The following WAC variants were observed in gnomAD, a reference collection of about 807,000 sequenced individuals.
WAC encodes WW domain-containing adapter protein with coiled-coil.
In WAC, 11 loss-of-function variants were observed where a neutral mutation model predicts 79.6. The ratio of observed to expected loss-of-function variants is 0.14; its 90% CI spans 0.09 to 0.23. WAC has a LOEUF of 0.23. WAC is among the 10% of genes least tolerant of loss of function. WAC has a pLI of 1.00. For synonymous variants in WAC, 304 were observed against 276.9 expected (o/e 1.10, Z -0.97); for missense variants, 728 against 773.5 (o/e 0.94, Z 0.70).
Position 28,535,731 on chromosome 10 carries a change from C to T in WAC, c.248C>T (p.Thr83Ile). The change falls in exon 3 of 14, where the codon ACT (threonine) becomes ATT (isoleucine). Residue 83 changes from threonine to isoleucine, a missense_variant. Coordinates refer to ENST00000354911, the MANE Select transcript of WAC (RefSeq NM_016628.5). The stretch of plus-strand genomic sequence containing the variant: ...CACAGTAAGGCCAAAAATGTGCATA[C>T]TCACAGAGTTAGAGAGAGGGATGGT... ...TGHSKAKNVH[T>I]HRVRERDGGT... 1 of 1,613,574 alleles carries T rather than the reference C, an allele frequency of 6.2e-7. No homozygotes were observed. Among genetic ancestry groups the T allele is most frequent in the Non-Finnish European group, 8.5e-7 (1 of 1,179,742 alleles).
intron 13 of WAC, 28 bp from the exon 14 acceptor site, chr10:28,619,509 G>C: frequency 6.5e-7 from 1 of 1,530,278 alleles, no homozygotes; most frequent in Non-Finnish European, 8.8e-7. Context: ...TATGTACACA[G>C]GTTCTAATGT....
At chr10:28,573,982 G>T (rs923196945) in intron 3 of WAC, among the ~76,000 whole-genome samples, 1 of 151,868 alleles carries the variant, frequency 6.6e-6, no homozygotes, top group African/African-American at 2.4e-5. Flanking sequence ...TGTGACTGGG[G>T]TATTTCACTT....
Position 28,614,773 on chromosome 10 carries a change from C to A in WAC, c.1556+88C>A. On this transcript the variant is annotated intron_variant, in intron 11 of 13. Coordinates refer to ENST00000354911, the MANE Select transcript of WAC (RefSeq NM_016628.5). ...TGAATATTATATCTGTAAAATAGAA[C>A]TTAACCTTTAAACTCCATGAATACC... is the stretch of plus-strand genomic sequence containing the variant. 4.4e-6 allele frequency: 5 copies of A among 1,141,650 alleles called. No homozygotes were observed. The South Asian group carries it at 5.7e-5, about 13-fold the overall frequency. The allele number at this position is 1,141,650 out of a possible 1,614,324, so 70.7% of individuals were successfully genotyped here.
chr10:28,568,430 G>A (rs908557099), intron 3 of WAC, among the ~76,000 whole-genome samples: 2 of 152,122 alleles, frequency 1.3e-5, no homozygotes, highest in African/African-American at 4.8e-5. Context: ...AGCCGGGCTG[G>A]TGTGCAGTGG....
intron 3 of WAC, among the ~76,000 whole-genome samples, chr10:28,564,567 C>T (rs1838492311): frequency 6.6e-6 from 1 of 152,164 alleles, no homozygotes; most frequent in South Asian, 2.1e-4. Context: ...CAATACCACA[C>T]TACTCATGCT....
At chr10:28,580,606 T>G (rs957872293) in intron 3 of WAC, among the ~76,000 whole-genome samples, 4 of 152,154 alleles carry the variant, frequency 2.6e-5, no homozygotes, top group Non-Finnish European at 5.9e-5. Context: ...TAGGTTTTTT[T>G]CCATTACTGT....
At chr10:28,576,101 T>A (rs866465019) in intron 3 of WAC, among the ~76,000 whole-genome samples, 12 of 152,214 alleles carry the variant, frequency 7.9e-5, no homozygotes, top group Non-Finnish European at 1.8e-4. Flanking sequence ...TTAGGATGTT[T>A]GCACAACAAA....
chr10:28,538,075 C>T lies in WAC; in HGVS notation c.274+2318C>T, dbSNP rs545726897. 4.7e-4 allele frequency among the ~76,000 whole-genome samples: 72 copies of T among 152,206 alleles called. 1 individual carries two copies. Among genetic ancestry groups the T allele is most frequent in the Non-Finnish European group, 7.1e-4 (48 of 68,008 alleles). ...GGAAATAATAATATGAGGTATATCT[C>T]CATTCTGGAATTGAGAGTACATCTT... On this transcript the variant is annotated intron_variant, in intron 3 of 13. Coordinates refer to ENST00000354911, the MANE Select transcript of WAC (RefSeq NM_016628.5).
In WAC at chr10:28,568,199, T is replaced by G. The variant is rs1429195978; in HGVS notation, c.275-15200T>G. On this transcript the variant is annotated intron_variant, in intron 3 of 13. Coordinates refer to ENST00000354911, the MANE Select transcript of WAC (RefSeq NM_016628.5). ...TACAGAAACATATTCTCAAACTGTCTTCTTTTTGAAAGTTTACTTTTAACG... is the reference window on the plus strand; with the variant it reads ...TACAGAAACATATTCTCAAACTGTCGTCTTTTTGAAAGTTTACTTTTAACG... Among the ~76,000 whole-genome samples, 4 of 152,226 alleles carry G rather than the reference T, an allele frequency of 2.6e-5. No homozygotes were observed. The South Asian group carries it at 8.3e-4, about 32-fold the overall frequency.
At chr10:28,534,090 GACTGCT>G in intron 2 of WAC, 56 bp downstream of exon 2, 1 of 1,514,102 alleles carries the variant, frequency 6.6e-7, no homozygotes, top group Non-Finnish European at 8.9e-7. Context: ...GGAAGGGAGG[GACTGCT>G]ACTCGAGCGC....
chr10:28,583,320 C>G, intron 3 of WAC, 79 bp from the exon 4 acceptor site: 6 of 1,003,212 alleles, frequency 6.0e-6, no homozygotes, highest in Non-Finnish European at 8.7e-6. Context: ...AAAATAATAT[C>G]TAGTATGATA....
Position 28,619,722 on chromosome 10 carries a change from A to G in WAC, c.*116A>G. On this transcript the variant is annotated 3_prime_UTR_variant, in exon 14 of 14. Transcript: ENST00000354911. Reference sequence around the variant, plus strand: ...TGGACCGTTAAGCTGGGCAAAGGAAATGACAAGGGGACGGGGTCTGTGAGA... The same window carrying G: ...TGGACCGTTAAGCTGGGCAAAGGAAGTGACAAGGGGACGGGGTCTGTGAGA... 1.4e-6 allele frequency: 1 copy of G among 735,118 alleles called. No homozygotes were observed. Among genetic ancestry groups the G allele is most frequent in the South Asian group, 2.3e-5 (1 of 42,898 alleles). The allele number at this position is 735,118 out of a possible 1,614,324, so 45.5% of individuals were successfully genotyped here.
intron 7 of WAC, among the ~76,000 whole-genome samples, chr10:28,599,923 A>C (rs1007303244): frequency 2.6e-5 from 4 of 152,102 alleles, no homozygotes; most frequent in African/African-American, 7.2e-5. Context: ...CTGATACACC[A>C]AAAAAATACA....
chr10:28,597,566 CTGTT>C (rs1423448794), intron 7 of WAC, among the ~76,000 whole-genome samples: 1 of 152,072 alleles, frequency 6.6e-6, no homozygotes, highest in Non-Finnish European at 1.5e-5. Context: ...CTTTTTTCCT[CTGTT>C]TGGTTCTTTT....
In WAC at chr10:28,615,323, A is replaced by G. The variant is rs962364183; in HGVS notation, c.1556+638A>G. 2.0e-5 allele frequency: 3 copies of G among 152,288 alleles called. No individual in the cohort carries two copies. In the East Asian group the frequency reaches 5.8e-4, roughly 29 times the overall value. 9.4% of individuals were successfully genotyped at this position (152,288 alleles called of 1,614,324 possible). ...TGTTGTTTTTATTGTTGTTTTCTAA[A>G]CAAGCATTTCAGAACTTACACCTCC... On this transcript the variant is annotated intron_variant, in intron 11 of 13. Transcript: ENST00000354911.
intron 3 of WAC, among the ~76,000 whole-genome samples, chr10:28,541,688 T>A (rs1351644276): frequency 6.6e-6 from 1 of 152,256 alleles, no homozygotes; most frequent in African/African-American, 2.4e-5. Flanking sequence ...TTATTCCTGT[T>A]GTACTGATGA....
chr10:28,559,847 G>T (rs917894343), intron 3 of WAC, among the ~76,000 whole-genome samples: 7 of 152,268 alleles, frequency 4.6e-5, no homozygotes, highest in African/African-American at 1.7e-4. Context: ...CTCTGGGCCT[G>T]ATGAAAGGGT....
At chr10:28,542,763 T>A (rs1837128772) in intron 3 of WAC, among the ~76,000 whole-genome samples, 1 of 152,236 alleles carries the variant, frequency 6.6e-6, no homozygotes, top group Non-Finnish European at 1.5e-5. Context: ...TTGATGTAGC[T>A]AGTGTTTCTC....
intron 4 of WAC, 42 bp from the exon 5 acceptor site, chr10:28,589,694 A>G (rs1291361313): frequency 7.7e-7 from 1 of 1,299,658 alleles, no homozygotes; most frequent in Non-Finnish European, 1.1e-6. Flanking sequence ...ATGTGATTAA[A>G]TAGTATTAAC....
Sources: gnomAD v4.1 joint callset for allele counts (sites outside exome capture counted in the v4.1 genomes callset) on GRCh38, gnomAD v4.1.1 for gene constraint, MANE v1.5 for transcripts, NCBI Gene and HGNC (gene_info 2026-07-23, HGNC 2026-07-21) for gene names.